Variants in C8orf34 observed in about 807,000 individuals in gnomAD.
C8orf34 encodes the protein uncharacterized protein C8orf34.
C8orf34 carries 65 observed loss-of-function variants against 68.3 expected under a neutral mutation model. That is an observed-to-expected ratio of 0.95 (90% confidence interval 0.78 to 1.17). C8orf34 has a LOEUF of 1.17. Among genes scored for constraint, C8orf34 ranks in the 50% most tolerant of loss-of-function variants. The probability of loss-of-function intolerance (pLI) is 0.00; values close to 1 mark genes in which losing one functional copy is unlikely to be tolerated. For missense variants in C8orf34, 664 were observed against 655.4 expected, an observed-to-expected ratio of 1.01 and a Z score of -0.14; for synonymous variants, 244 against 241.2, an observed-to-expected ratio of 1.01 and a Z score of -0.11.
At chr8:68,714,573 T>A in intron 9 of C8orf34, among the ~76,000 whole-genome samples, 1 of 151,712 alleles carries the variant, frequency 6.6e-6, no homozygotes, top group East Asian at 1.9e-4. Flanking sequence ...AACAAGGAAG[T>A]GAAAGACCTC....
At chr8:68,434,018 C>T (rs963307332) in intron 1 of C8orf34, among the ~76,000 whole-genome samples, 1 of 152,082 alleles carries the variant, frequency 6.6e-6, no homozygotes, top group East Asian at 1.9e-4. Flanking sequence ...TCCAGTAGCC[C>T]TTACATGTTG....
chr8:68,592,399 T>C (rs1421302193), intron 7 of C8orf34, among the ~76,000 whole-genome samples: 3 of 152,040 alleles, frequency 2.0e-5, no homozygotes, highest in Non-Finnish European at 4.4e-5. Flanking sequence ...GTTTGGGCTT[T>C]TATTGTGATT....
intron 4 of C8orf34, among the ~76,000 whole-genome samples, chr8:68,483,028 T>C: frequency 6.6e-6 from 1 of 152,298 alleles, no homozygotes; most frequent in East Asian, 1.9e-4. Context: ...AATAGTACTA[T>C]TTTATACTAT....
intron 1 of C8orf34, among the ~76,000 whole-genome samples, chr8:68,386,788 G>C (rs1034594615): frequency 6.6e-6 from 1 of 152,042 alleles, no homozygotes; most frequent in Non-Finnish European, 1.5e-5. Flanking sequence ...TTTTGGACCA[G>C]ATCATTCTTT....
chr8:68,489,709 T>A (rs921279075), intron 5 of C8orf34, among the ~76,000 whole-genome samples: 16 of 152,160 alleles, frequency 1.1e-4, no homozygotes, highest in Non-Finnish European at 1.8e-4. Flanking sequence ...AAATTAGGGA[T>A]GCTCAACCTC....
At chr8:68,420,891 T>C (rs1207708383) in intron 1 of C8orf34, among the ~76,000 whole-genome samples, 1 of 144,190 alleles carries the variant, frequency 6.9e-6, no homozygotes, top group Non-Finnish European at 1.5e-5. Context: ...AAAAAAAGAA[T>C]AGAAATAGAA....
intron 1 of C8orf34, among the ~76,000 whole-genome samples, chr8:68,384,710 T>A (rs1808186329): frequency 6.6e-6 from 1 of 152,218 alleles, no homozygotes; most frequent in Admixed American, 6.5e-5. Context: ...AGAAAAGTGA[T>A]CCAGTTGGTA....
At chr8:68,786,882 TA>T (rs1823860791) in intron 11 of C8orf34, among the ~76,000 whole-genome samples, 1 of 152,180 alleles carries the variant, frequency 6.6e-6, no homozygotes, top group Non-Finnish European at 1.5e-5. Flanking sequence ...CCCAGATGGC[TA>T]TTACTACAGT....
chr8:68,713,020 G>C (rs1419855498), intron 9 of C8orf34, among the ~76,000 whole-genome samples: 2 of 152,008 alleles, frequency 1.3e-5, no homozygotes, highest in Non-Finnish European at 2.9e-5. Flanking sequence ...CCAAAAGGAA[G>C]CCACAAAACC....
At chr8:68,373,595 A>T (rs1362611987) in intron 1 of C8orf34, among the ~76,000 whole-genome samples, 2 of 152,208 alleles carry the variant, frequency 1.3e-5, no homozygotes, top group Admixed American at 6.5e-5. Context: ...AGACAGCCAG[A>T]ACTGTCTCAT....
At chr8:68,564,366 A>G (rs1169404014) in intron 7 of C8orf34, among the ~76,000 whole-genome samples, 1 of 152,212 alleles carries the variant, frequency 6.6e-6, no homozygotes, top group African/African-American at 2.4e-5. Context: ...TCTGAGAGGA[A>G]TTTTCTAGTC....
chr8:68,720,348 A>T (rs1821635230), intron 9 of C8orf34, among the ~76,000 whole-genome samples: 1 of 151,920 alleles, frequency 6.6e-6, no homozygotes, highest in East Asian at 1.9e-4. Flanking sequence ...AAAAGCTATG[A>T]TTTATTATGG....
chr8:68,362,530 C>A (rs567800481), intron 1 of C8orf34, among the ~76,000 whole-genome samples: 2 of 152,292 alleles, frequency 1.3e-5, no homozygotes, highest in African/African-American at 4.8e-5. Context: ...AGCAGTGGTT[C>A]TCCCAGCACG....
chr8:68,800,244 CAT>C (rs1226998379), intron 12 of C8orf34, among the ~76,000 whole-genome samples: 1 of 152,132 alleles, frequency 6.6e-6, no homozygotes, highest in Non-Finnish European at 1.5e-5. Context: ...TGGCTCTTTG[CAT>C]ATGTCATGAA....
chr8:68,669,473 C>T (rs1486364678), intron 8 of C8orf34, among the ~76,000 whole-genome samples: 1 of 152,144 alleles, frequency 6.6e-6, no homozygotes. Flanking sequence ...TATTCGTATT[C>T]TACTTTATTT....
chr8:68,386,669 T>C (rs971144163), intron 1 of C8orf34, among the ~76,000 whole-genome samples: 1 of 152,126 alleles, frequency 6.6e-6, no homozygotes, highest in Non-Finnish European at 1.5e-5. Flanking sequence ...TTAAGGGATT[T>C]TCTTCTTCTT....
rs1178290116 is a variant in C8orf34, at chr8:68,818,466, G to A, written c.*220G>A. The stretch of plus-strand genomic sequence containing the variant: ...TTGTGGGGTGGTCAGGAGGCCGGCT[G>A]CCTTTTGACATGGTTAGAGTCCTGG... On this transcript the variant is annotated 3_prime_UTR_variant, in exon 14 of 14. Coordinates refer to ENST00000518698, the MANE Select transcript of C8orf34 (RefSeq NM_052958.4). 1.4e-5 allele frequency: 7 copies of A among 508,674 alleles called. No individual in the cohort carries two copies. The highest frequency in any genetic ancestry group is 5.3e-4 in the Middle Eastern group (1 of 1,874). The allele number at this position is 508,674 out of a possible 1,614,324, so 31.5% of individuals were successfully genotyped here. A position where few individuals can be genotyped will look rare whatever the true frequency, so the allele number is the denominator to read the frequency against.
chr8:68,510,659 G>A (rs185698122), intron 5 of C8orf34, among the ~76,000 whole-genome samples: 224 of 152,242 alleles, frequency 1.5e-3, no homozygotes, highest in Non-Finnish European at 2.6e-3. Flanking sequence ...TAATAGGACC[G>A]AGTTGTTTGC....
chr8:68,466,281 A>G (rs1812131598), intron 3 of C8orf34, among the ~76,000 whole-genome samples: 1 of 152,016 alleles, frequency 6.6e-6, no homozygotes, highest in Non-Finnish European at 1.5e-5. Context: ...GCATAAGCAT[A>G]CGGTAAGATA....
Sources: allele counts gnomAD v4.1 joint callset (sites outside exome capture counted in the v4.1 genomes callset), GRCh38; gene constraint gnomAD v4.1.1; transcripts MANE v1.5; gene names NCBI Gene and HGNC (gene_info 2026-07-23, HGNC 2026-07-21).